The following OPRM1 variants were observed in gnomAD, a reference collection of about 807,000 sequenced individuals.
OPRM1 encodes opioid receptor mu 1.
OPRM1 carries 27 observed loss-of-function variants against 31.8 expected under a neutral mutation model. The ratio of observed to expected loss-of-function variants is 0.85; its 90% confidence interval spans 0.63 to 1.17. The LOEUF is 1.17. Among genes scored for constraint, OPRM1 ranks in the 50% most tolerant of loss-of-function variants. The probability of loss-of-function intolerance (pLI) is 0.00; values close to 1 mark genes in which losing one functional copy is unlikely to be tolerated. For missense variants in OPRM1, 536 were observed against 511.1 expected, an observed-to-expected ratio of 1.05 and a Z score of -0.47; for synonymous variants, 196 against 189.9, an observed-to-expected ratio of 1.03 and a Z score of -0.26.
At chr6:154,019,498 A>G (rs1346701398) in intron 1 of OPRM1, among the ~76,000 whole-genome samples, 1 of 152,062 alleles carries the variant, frequency 6.6e-6, no homozygotes, top group Non-Finnish European at 1.5e-5. Flanking sequence ...TCACCATTAT[A>G]GTACCATATA....
chr6:154,029,424 G>A (rs1778882107), intron 1 of OPRM1, among the ~76,000 whole-genome samples: 1 of 152,014 alleles, frequency 6.6e-6, no homozygotes, highest in Non-Finnish European at 1.5e-5. Context: ...CCTATTTTTT[G>A]AAAAGAAATT....
chr6:154,091,981 A>G, intron 3 of OPRM1: 1 of 980,358 alleles, frequency 1.0e-6, no homozygotes, highest in Non-Finnish European at 1.2e-6. Context: ...AGATTAAAAA[A>G]TGACCATCCC....
chr6:154,060,165 T>A (rs1784105036), intron 1 of OPRM1, among the ~76,000 whole-genome samples: 1 of 152,318 alleles, frequency 6.6e-6, no homozygotes, highest in Non-Finnish European at 1.5e-5. Context: ...AAGGATTTTA[T>A]TTTTGAAGCA....
At chr6:154,100,237 T>C (rs188456520) in intron 3 of OPRM1, among the ~76,000 whole-genome samples, 19 of 146,260 alleles carry the variant, frequency 1.3e-4, no homozygotes, top group African/African-American at 4.6e-4. Flanking sequence ...ATATATATTA[T>C]CATATTATGA....
At chr6:154,206,522 C>T (rs1330726839) in intron 3 of OPRM1, among the ~76,000 whole-genome samples, 2 of 152,168 alleles carry the variant, frequency 1.3e-5, no homozygotes, top group African/African-American at 2.4e-5. Flanking sequence ...TGGGCACTGG[C>T]TCTGACTTTA....
chr6:154,104,872 G>A (rs547492493), intron 3 of OPRM1, among the ~76,000 whole-genome samples: 2 of 152,298 alleles, frequency 1.3e-5, no homozygotes, highest in South Asian at 2.1e-4. Context: ...ATACCTATAA[G>A]TTGGGTAAAT....
At chr6:154,236,509 C>T (rs1780146514) in intron 3 of OPRM1, among the ~76,000 whole-genome samples, 1 of 152,156 alleles carries the variant, frequency 6.6e-6, no homozygotes, top group Admixed American at 6.5e-5. Context: ...TTAAGCAATG[C>T]CACTCAACTG....
rs1234690113 is a variant in OPRM1 at position 154,100,136 on chromosome 6, A to ATC, written c.1164+8664_1164+8665insTC. Among the ~76,000 whole-genome samples, 16 of 72,804 alleles carry ATC rather than the reference A, an allele frequency of 2.2e-4. No homozygotes were observed. The Admixed American group carries it at 2.3e-3, about 10-fold the overall frequency. The allele number at this position is 72,804 out of a possible 152,430, so 47.8% of individuals were successfully genotyped here. On this transcript the variant is annotated intron_variant, in intron 3 of 3. Transcript: ENST00000330432. The stretch of plus-strand genomic sequence containing the variant: ...TATATATTATCATATTATGACATAT[A>ATC]ATATATATTATCATATTATGACGTA...
At chr6:154,019,982 C>T (rs1272277913) in intron 1 of OPRM1, among the ~76,000 whole-genome samples, 7 of 152,098 alleles carry the variant, frequency 4.6e-5, no homozygotes, top group Non-Finnish European at 7.4e-5. Flanking sequence ...GATCCATCCA[C>T]GTTGGCCTCC....
At chr6:154,197,693 A>C (rs528385516) in intron 3 of OPRM1, among the ~76,000 whole-genome samples, 44 of 152,314 alleles carry the variant, frequency 2.9e-4, no homozygotes, top group Non-Finnish European at 5.1e-4. Context: ...AGGAACAAGG[A>C]CTGTTGCATC....
At chr6:154,108,001 C>T (rs1015609695) in intron 3 of OPRM1, 6 of 621,108 alleles carry the variant, frequency 9.7e-6, no homozygotes, top group Non-Finnish European at 1.5e-5. Context: ...GCCATTCATT[C>T]AACCGTTTGC....
At chr6:154,159,323 A>T (rs1007076673) in intron 3 of OPRM1, 4 of 162,034 alleles carry the variant, frequency 2.5e-5, no homozygotes, top group African/African-American at 9.6e-5. Flanking sequence ...AAAGGCAAGG[A>T]ATTTTTGTTC....
chr6:154,050,176 C>T (rs969941639), intron 1 of OPRM1, among the ~76,000 whole-genome samples: 1 of 152,090 alleles, frequency 6.6e-6, no homozygotes, highest in East Asian at 1.9e-4. Context: ...GCTTAGATCT[C>T]AGTACTTGTT....
At chr6:154,181,005 T>C (rs1800824880) in intron 3 of OPRM1, among the ~76,000 whole-genome samples, 1 of 152,144 alleles carries the variant, frequency 6.6e-6, no homozygotes, top group Non-Finnish European at 1.5e-5. Flanking sequence ...CATTTGGGTA[T>C]TTTGCATACC....
chr6:154,088,992 A>G (rs1005150370), intron 1 of OPRM1, among the ~76,000 whole-genome samples: 6 of 152,070 alleles, frequency 3.9e-5, no homozygotes, highest in Non-Finnish European at 8.8e-5. Context: ...TTGAGATTAA[A>G]CTTGCACTTC....
At chr6:154,223,289 G>T in intron 3 of OPRM1, 1 of 1,366,486 alleles carries the variant, frequency 7.3e-7, no homozygotes, top group Non-Finnish European at 1.0e-6. Context: ...CATCAATCCT[G>T]GGGATTAGTG....
At chr6:154,156,682 G>A (rs1013373603) in intron 3 of OPRM1, 1 of 152,218 alleles carries the variant, frequency 6.6e-6, no homozygotes. Context: ...TATACTTTAG[G>A]AGTCTTTCTA....
intron 3 of OPRM1, among the ~76,000 whole-genome samples, chr6:154,164,284 G>A (rs73789357): frequency 0.042 from 6,409 of 152,090 alleles, 435 homozygotes; most frequent in African/African-American, 0.15. Context: ...TTCAACTTTG[G>A]GCATTAAGCT....
chr6:154,114,516 T>A lies in OPRM1; in HGVS notation c.1165-4167T>A, dbSNP rs551089933. On this transcript the variant is annotated intron_variant, in intron 3 of 3. Transcript: ENST00000330432. ...TATTGGCGATAAATAACAGGGAAAT[T>A]CACGTAGTACTGCAACAGCCCAGTA... 5.9e-5 allele frequency among the ~76,000 whole-genome samples: 9 copies of A among 152,178 alleles called. No individual in the cohort carries two copies. In the East Asian group the frequency reaches 9.7e-4, roughly 16 times the overall value.
Sources: allele counts gnomAD v4.1 joint callset (sites outside exome capture counted in the v4.1 genomes callset), GRCh38; gene constraint gnomAD v4.1.1; transcripts MANE v1.5; gene names NCBI Gene and HGNC (gene_info 2026-07-23, HGNC 2026-07-21).